The following ZNF624 variants were observed in gnomAD, a reference collection of about 807,000 sequenced individuals.
The protein encoded by ZNF624 is zinc finger protein 624.
A neutral mutation model predicts 74.7 loss-of-function variants in ZNF624; 43 were observed. The ratio of observed to expected loss-of-function variants is 0.58; its 90% CI spans 0.45 to 0.74. The LOEUF is 0.74. Among genes scored for constraint, ZNF624 ranks in the 30% least tolerant of loss-of-function variants. The probability of loss-of-function intolerance (pLI) is 0.00; values close to 1 mark genes in which losing one functional copy is unlikely to be tolerated. For missense variants in ZNF624, 820 were observed against 1,030.0 expected, an observed-to-expected ratio of 0.80 and a Z score of 2.79; for synonymous variants, 331 against 341.3, an observed-to-expected ratio of 0.97 and a Z score of 0.33.
At chr17:16,649,084 G>A (rs28458310) in intron 2 of ZNF624, among the ~76,000 whole-genome samples, 35,093 of 151,968 alleles carry the variant, frequency 0.23, 4,505 homozygotes, top group East Asian at 0.35. Context: ...AGCAACTACT[G>A]TTCACCCAAA....
At chr17:16,645,227 T>C (rs1272090262) in intron 3 of ZNF624, among the ~76,000 whole-genome samples, 1 of 151,228 alleles carries the variant, frequency 6.6e-6, no homozygotes, top group African/African-American at 2.4e-5. Context: ...ATCACTTGAG[T>C]TCAGGAGTTG....
rs780935810 is a variant in ZNF624, at chr17:16,647,445, C to T, written c.88-51G>A. On this transcript the variant is annotated intron_variant, in intron 2 of 5. Transcript: ENST00000311331. ...TCAGTGATAGGCTGCCTATGACTTA[C>T]AGCAGAGCCTCAACAAGCACCACCA... 11 of 1,498,174 alleles carry T rather than the reference C, an allele frequency of 7.3e-6. No individual in the cohort carries two copies. In the Middle Eastern group the frequency reaches 5.1e-4, roughly 70 times the overall value. The allele number at this position is 1,498,174 out of a possible 1,614,324, so 92.8% of individuals were successfully genotyped here. A position where few individuals can be genotyped will look rare whatever the true frequency, so the allele number is the denominator to read the frequency against.
At position 16,622,942 on chromosome 17, in the gene ZNF624, G is replaced by C; in HGVS notation, c.1944C>G (p.Ser648=). ...CAATAAGGTATGATTTAGTCCTAAA[G>C]GACTTTCCACAGTCATAACATTTAT... The part of the protein sequence containing the change: ...KPYKCYDCGK[S]FRTKSYLIVH... The change falls in exon 6 of 6, where the codon TCC becomes TCG. Residue 648 remains serine (S), a synonymous_variant. Coordinates refer to ENST00000311331, the MANE Select transcript of ZNF624 (RefSeq NM_020787.4). 6.2e-7 allele frequency: 1 copy of C among 1,613,950 alleles called. No homozygotes were observed. The highest frequency in any genetic ancestry group is 8.5e-7 in the Non-Finnish European group (1 of 1,179,932).
intron 3 of ZNF624, among the ~76,000 whole-genome samples, chr17:16,637,404 G>A (rs1387922926): frequency 2.6e-5 from 4 of 152,126 alleles, no homozygotes; most frequent in South Asian, 4.1e-4. Context: ...AGCCCACATC[G>A]CTAAGTCAAT....
downstream of ZNF624, chr17:16,617,346 A>G: frequency 6.2e-7 from 1 of 1,613,546 alleles, no homozygotes; most frequent in Non-Finnish European, 8.5e-7. Flanking sequence ...GCTTATCTTC[A>G]ATAAGCCTAA....
chr17:16,649,596 A>C (rs1909670437), intron 2 of ZNF624, 62 bp downstream of exon 2: 1 of 1,470,450 alleles, frequency 6.8e-7, no homozygotes, highest in Admixed American at 1.7e-5. Context: ...GCAAGCCTTC[A>C]GGCAAAGTAA....
chr17:16,641,547 G>C (rs1490537988), intron 3 of ZNF624, among the ~76,000 whole-genome samples: 1 of 152,184 alleles, frequency 6.6e-6, no homozygotes, highest in Non-Finnish European at 1.5e-5. Context: ...GCCTCCTAAA[G>C]TGCTGGGATT....
downstream of ZNF624, chr17:16,617,145 C>T: frequency 6.2e-7 from 1 of 1,613,084 alleles, no homozygotes; most frequent in Non-Finnish European, 8.5e-7. Context: ...TAGATTTGCT[C>T]TTTGATCTAG....
At chr17:16,634,972 A>G (rs562951758) in intron 3 of ZNF624, among the ~76,000 whole-genome samples, 11 of 152,334 alleles carry the variant, frequency 7.2e-5, no homozygotes, top group Admixed American at 4.6e-4. Flanking sequence ...GTTTCATCTG[A>G]TAGCAGAATT....
At chr17:16,632,693 C>T (rs1909234147) in intron 5 of ZNF624, among the ~76,000 whole-genome samples, 1 of 152,214 alleles carries the variant, frequency 6.6e-6, no homozygotes, top group Non-Finnish European at 1.5e-5. Flanking sequence ...ACTATCATCT[C>T]CTGGATAGAC....
At position 16,635,668 on chromosome 17, in the gene ZNF624, T is replaced by C. The variant is rs114630128; in HGVS notation, c.154-912A>G. On this transcript the variant is annotated intron_variant, in intron 3 of 5. Coordinates refer to ENST00000311331, the MANE Select transcript of ZNF624 (RefSeq NM_020787.4). ...CCACAATGTTTTCAGTAAATAATCATATTAATTACAGTGACAGACATGTTA... is the reference window on the plus strand; with the variant it reads ...CCACAATGTTTTCAGTAAATAATCACATTAATTACAGTGACAGACATGTTA... 4.9e-3 allele frequency among the ~76,000 whole-genome samples: 750 copies of C among 152,252 alleles called. 8 individuals carry two copies. The highest frequency in any genetic ancestry group is 0.018 in the African/African-American group (728 of 41,556).
rs910982621 is a variant in ZNF624, at chr17:16,622,080, C to T, written c.*208G>A. The T allele has an allele frequency of 2.6e-6, 1 of 381,190 alleles. No individual in the cohort carries two copies. Among genetic ancestry groups the T allele is most frequent in the Non-Finnish European group, 4.6e-6 (1 of 216,322 alleles). 23.6% of individuals were successfully genotyped at this position (381,190 alleles called of 1,614,324 possible). ...GTAAAGTATGAAATCTGGATGAACACTTTCATTTGTTCATTATTTTCCTCT... is the reference window on the plus strand; with the variant it reads ...GTAAAGTATGAAATCTGGATGAACATTTTCATTTGTTCATTATTTTCCTCT... On this transcript the variant is annotated 3_prime_UTR_variant, in exon 6 of 6. Transcript: ENST00000311331.
chr17:16,627,012 G>A (rs983463641), intron 5 of ZNF624, among the ~76,000 whole-genome samples: 10 of 151,934 alleles, frequency 6.6e-5, no homozygotes, highest in African/African-American at 2.2e-4. Context: ...CCGAGATCAC[G>A]CCACTGCACT....
intron 5 of ZNF624, 178 bp from the exon 6 acceptor site, chr17:16,624,687 A>G (rs1165923978): frequency 1.4e-5 from 8 of 558,324 alleles, no homozygotes; most frequent in Non-Finnish European, 2.1e-5. Flanking sequence ...TTTAGCAAAA[A>G]CTAAAGTAGC....
At chr17:16,646,503 A>G (rs1909595325) in intron 3 of ZNF624, among the ~76,000 whole-genome samples, 1 of 152,238 alleles carries the variant, frequency 6.6e-6, no homozygotes, top group Admixed American at 6.5e-5. Flanking sequence ...AAAGATTTAC[A>G]TAAGTCATTA....
At chr17:16,624,572 A>G (rs894227303) in intron 5 of ZNF624, 63 bp from the exon 6 acceptor site, 1 of 1,391,032 alleles carries the variant, frequency 7.2e-7, no homozygotes, top group Admixed American at 2.5e-5. Flanking sequence ...CTCACTAAAC[A>G]GAATAATAAA....
downstream of ZNF624, chr17:16,617,093 T>C (rs1188076920): frequency 3.1e-6 from 5 of 1,612,778 alleles, no homozygotes; most frequent in Non-Finnish European, 4.2e-6. Flanking sequence ...TCCTTAGATC[T>C]GCTTCGAGAA....
At chr17:16,644,954 C>T (rs1293477060) in intron 3 of ZNF624, among the ~76,000 whole-genome samples, 2 of 152,206 alleles carry the variant, frequency 1.3e-5, no homozygotes, top group African/African-American at 2.4e-5. Context: ...CAGATGCAGA[C>T]TTTCACATGA....
chr17:16,635,800 TGATGA>T (rs1472479211), intron 3 of ZNF624, among the ~76,000 whole-genome samples: 3 of 151,648 alleles, frequency 2.0e-5, no homozygotes, highest in African/African-American at 4.8e-5. Flanking sequence ...AATGTAATAT[TGATGA>T]GATGAGGTTA....
Sources: allele counts gnomAD v4.1 joint callset (sites outside exome capture counted in the v4.1 genomes callset), GRCh38; gene constraint gnomAD v4.1.1; transcripts MANE v1.5; gene names NCBI Gene and HGNC (gene_info 2026-07-23, HGNC 2026-07-21).